The following PCDHAC1 variants were observed in gnomAD, a reference collection of about 807,000 sequenced individuals.
PCDHAC1 encodes the protein protocadherin alpha-C1.
PCDHAC1 carries 42 observed loss-of-function variants against 60.0 expected under a neutral mutation model. The ratio of observed to expected loss-of-function variants is 0.70; its 90% CI spans 0.55 to 0.90. The LOEUF (loss-of-function observed/expected upper bound fraction) is 0.90, where lower values mean the gene tolerates loss of function less well. PCDHAC1 is among the 40% of genes least tolerant of loss of function. PCDHAC1 has a pLI of 0.00. For missense variants in PCDHAC1, 1,160 were observed against 1,222.3 expected (o/e 0.95, Z 0.76); for synonymous variants, 468 against 499.3 (o/e 0.94, Z 0.84).
rs149656802 is a variant in PCDHAC1, at chr5:141,008,452, C to T, written c.2582-1175C>T. ...TTTGCCCAGACAGACCATTACCCTTCCTCTCCAGCTCTGACTTCTACTCTT... is the reference window on the plus strand; with the variant it reads ...TTTGCCCAGACAGACCATTACCCTTTCTCTCCAGCTCTGACTTCTACTCTT... On this transcript the variant is annotated intron_variant, in intron 3 of 3. Coordinates refer to ENST00000253807, the MANE Select transcript of PCDHAC1 (RefSeq NM_018898.5). Among the ~76,000 whole-genome samples, 286 of 152,284 alleles carry T rather than the reference C, an allele frequency of 1.9e-3. 2 individuals carry two copies. Among genetic ancestry groups the T allele is most frequent in the African/African-American group, 6.5e-3 (272 of 41,548 alleles).
rs1175916332 is a variant in PCDHAC1 at position 140,926,825 on chromosome 5, G to GT, written c.-67dup. On this transcript the variant is annotated 5_prime_UTR_variant, in exon 1 of 4. Coordinates refer to ENST00000253807, the MANE Select transcript of PCDHAC1 (RefSeq NM_018898.5). ...TCCCCGCGGCTCGTGCTCTCCAGGA[G>GT]TCCGGAGCATGGTCCTGGGTCACCG... 1.3e-6 allele frequency: 2 copies of GT among 1,499,578 alleles called. No individual in the cohort carries two copies. The highest frequency in any genetic ancestry group is 1.8e-6 in the Non-Finnish European group (2 of 1,126,308). 92.9% of individuals were successfully genotyped at this position (1,499,578 alleles called of 1,614,324 possible).
chr5:140,928,185 C>CA lies in PCDHAC1; in HGVS notation c.1294dup (p.Thr432AsnfsTer6). Reference sequence around the variant, plus strand: ...CCCCACTTAGCACCCGAAGGACAATCACTGTGTCAGTTGCTGATGTGAATG... The same window carrying CA: ...CCCCACTTAGCACCCGAAGGACAATCAACTGTGTCAGTTGCTGATGTGAATG... On this transcript the variant is annotated frameshift_variant, in exon 1 of 4. Transcript: ENST00000253807. LOFTEE classifies it high-confidence loss of function. 1.2e-6 allele frequency: 2 copies of CA among 1,614,184 alleles called. No homozygotes were observed. Among genetic ancestry groups the CA allele is most frequent in the Non-Finnish European group, 1.7e-6 (2 of 1,180,012 alleles).
chr5:140,980,635 A>AT (rs1224584187), intron 2 of PCDHAC1, among the ~76,000 whole-genome samples: 1 of 152,232 alleles, frequency 6.6e-6, no homozygotes, highest in Non-Finnish European at 1.5e-5. Context: ...TCTCAGAAGA[A>AT]TAAATAAATG....
chr5:140,967,684 G>A (rs1404001288), intron 1 of PCDHAC1: 2 of 1,614,074 alleles, frequency 1.2e-6, no homozygotes, highest in Non-Finnish European at 8.5e-7. Context: ...GGGAGAGGCA[G>A]CTCTTCAGCA....
At chr5:140,984,576 C>G (rs1309554018) in intron 3 of PCDHAC1, among the ~76,000 whole-genome samples, 1 of 152,104 alleles carries the variant, frequency 6.6e-6, no homozygotes, top group African/African-American at 2.4e-5. Context: ...CCATGGCAAC[C>G]TAATCATACT....
rs978053855 is a variant in PCDHAC1 at position 141,009,492 on chromosome 5, A to T, written c.2582-135A>T. 4 of 1,478,558 alleles carry T rather than the reference A, an allele frequency of 2.7e-6. No individual in the cohort carries two copies. In the African/African-American group the frequency reaches 5.6e-5, roughly 21 times the overall value. The allele number at this position is 1,478,558 out of a possible 1,614,324, so 91.6% of individuals were successfully genotyped here. ...ATAAGTAAACACTTGCCTTGCCCTCAGACTTGAACAAACAACTCGTGATTT... is the reference window on the plus strand; with the variant it reads ...ATAAGTAAACACTTGCCTTGCCCTCTGACTTGAACAAACAACTCGTGATTT... On this transcript the variant is annotated intron_variant, in intron 3 of 3. Coordinates refer to ENST00000253807, the MANE Select transcript of PCDHAC1 (RefSeq NM_018898.5).
At chr5:140,986,141 G>C (rs1473474920) in intron 3 of PCDHAC1, among the ~76,000 whole-genome samples, 2 of 152,138 alleles carry the variant, frequency 1.3e-5, no homozygotes, top group African/African-American at 2.4e-5. Context: ...ATCAACAAGG[G>C]CATCACCAAG....
At chr5:140,969,485 T>C (rs1485555970) in intron 1 of PCDHAC1, 4 of 1,461,452 alleles carry the variant, frequency 2.7e-6, no homozygotes, top group African/African-American at 2.9e-5. Flanking sequence ...CATAATCTGC[T>C]ATTTCCTCTC....
At chr5:140,929,935 T>C (rs1253092331) in intron 1 of PCDHAC1, 1 of 152,218 alleles carries the variant, frequency 6.6e-6, no homozygotes, top group Non-Finnish European at 1.5e-5. Context: ...CAGTGTATTC[T>C]CTAGCCTATA....
rs564306575 is a variant in PCDHAC1, at chr5:140,927,833, A to G, written c.941A>G (p.Asp314Gly). Residue 314 changes from aspartate to glycine, a missense_variant, in exon 1 of 4, where the codon GAC becomes GGC. This residue lies in a region of PCDHAC1 where 1,113 missense variants were observed against 1,163.7 expected (regional missense o/e 0.96). Coordinates refer to ENST00000253807, the MANE Select transcript of PCDHAC1 (RefSeq NM_018898.5). Reference sequence around the variant, plus strand: ...TTGGAGGCATACATTGAGGCGAGGGACGAAGGTGTCTTTGGTTTAGCTAGC... The same window carrying G: ...TTGGAGGCATACATTGAGGCGAGGGGCGAAGGTGTCTTTGGTTTAGCTAGC... ...TLLEAYIEAR[D>G]EGVFGLASTA... 5.0e-6 allele frequency: 8 copies of G among 1,614,044 alleles called. No individual in the cohort carries two copies. Among genetic ancestry groups the G allele is most frequent in the African/African-American group, 4.0e-5 (3 of 74,914 alleles).
At chr5:140,948,237 T>C (rs532703710) in intron 1 of PCDHAC1, among the ~76,000 whole-genome samples, 1 of 151,810 alleles carries the variant, frequency 6.6e-6, no homozygotes, top group South Asian at 2.1e-4. Flanking sequence ...ACTTGTATTT[T>C]AGTAAATATT....
intron 1 of PCDHAC1, among the ~76,000 whole-genome samples, chr5:140,971,967 A>C (rs2096509788): frequency 6.6e-6 from 1 of 152,118 alleles, no homozygotes; most frequent in Non-Finnish European, 1.5e-5. Flanking sequence ...ACTTTTTTTC[A>C]ATACTATGAG....
At chr5:140,971,586 C>G (rs1290834481) in intron 1 of PCDHAC1, among the ~76,000 whole-genome samples, 1 of 152,022 alleles carries the variant, frequency 6.6e-6, no homozygotes, top group Non-Finnish European at 1.5e-5. Context: ...TTTTTCCTAC[C>G]TAGTTACTAC....
chr5:140,928,771 A>G lies in PCDHAC1; in HGVS notation c.1879A>G (p.Thr627Ala), dbSNP rs1554206294. 2 of 1,613,880 alleles carry G rather than the reference A, an allele frequency of 1.2e-6. No individual in the cohort carries two copies. Among genetic ancestry groups the G allele is most frequent in the East Asian group, 2.2e-5 (1 of 44,892 alleles). ...CCGTACTGCTCGCTTAGTTCTTCCC[A>G]CTGATGCAGTTAAGCAGAGGGTGGT... ...ELRTARLVLP[T>A]DAVKQRVVVV... Residue 627 changes from threonine to alanine, a missense_variant, in exon 1 of 4, where the codon ACT becomes GCT. By Grantham distance (58) the Thr-to-Ala change is moderately conservative (BLOSUM62 0). Coordinates refer to ENST00000253807, the MANE Select transcript of PCDHAC1 (RefSeq NM_018898.5).
intron 1 of PCDHAC1, among the ~76,000 whole-genome samples, chr5:140,941,255 C>CTTTCTTTCTTTCTT (rs782490896): frequency 4.1e-3 from 183 of 44,496 alleles, no homozygotes; most frequent in African/African-American, 4.7e-3. Context: ...TTCTTTCTTT[C>CTTTCTTTCTTTCTT]TCTTTCTTTC....
At chr5:140,934,957 G>A (rs2090122349) in intron 1 of PCDHAC1, among the ~76,000 whole-genome samples, 1 of 152,250 alleles carries the variant, frequency 6.6e-6, no homozygotes, top group Non-Finnish European at 1.5e-5. Context: ...GATCCCATGT[G>A]CTTGTCACCC....
intron 3 of PCDHAC1, among the ~76,000 whole-genome samples, chr5:141,008,057 C>T (rs1472919496): frequency 3.9e-5 from 6 of 152,020 alleles, no homozygotes; most frequent in African/African-American, 1.2e-4. Context: ...GGGGTCCAGT[C>T]CATCTAAGAA....
At chr5:140,947,635 G>A (rs1170525936) in intron 1 of PCDHAC1, among the ~76,000 whole-genome samples, 1 of 151,538 alleles carries the variant, frequency 6.6e-6, no homozygotes, top group African/African-American at 2.4e-5. Context: ...TCATCAGATC[G>A]TATGAACATA....
intron 1 of PCDHAC1, among the ~76,000 whole-genome samples, chr5:140,973,136 C>G (rs2096573800): frequency 6.6e-6 from 1 of 152,168 alleles, no homozygotes; most frequent in Admixed American, 6.5e-5. Context: ...TTTGCATTCA[C>G]TTTCACTTAT....
Sources: gnomAD v4.1 joint callset for allele counts (sites outside exome capture counted in the v4.1 genomes callset) on GRCh38, gnomAD v4.1.1 for gene constraint, gnomAD v4.1.1 regional missense constraint, MANE v1.5 for transcripts, NCBI Gene and HGNC (gene_info 2026-07-23, HGNC 2026-07-21) for gene names.